CAMK1D: variants seen among roughly 807,000 people sequenced by gnomAD.
The protein encoded by CAMK1D is calcium/calmodulin-dependent protein kinase type 1D.
In CAMK1D, 9 loss-of-function variants were observed where a neutral mutation model predicts 47.7. The observed-to-expected ratio is 0.19, with a 90% confidence interval of 0.11 to 0.33. The LOEUF is 0.33. CAMK1D is among the 10% of genes least tolerant of loss of function. The pLI is 1.00. For synonymous variants in CAMK1D, 184 were observed against 184.9 expected (o/e 0.99, Z 0.04); for missense variants, 291 against 488.7 (o/e 0.60, Z 3.81).
intron 2 of CAMK1D, among the ~76,000 whole-genome samples, chr10:12,659,883 T>C (rs1026923665): frequency 6.6e-6 from 1 of 152,160 alleles, no homozygotes; most frequent in Non-Finnish European, 1.5e-5. Context: ...GACTAGACTG[T>C]AAACCCGGAA....
intron 1 of CAMK1D, among the ~76,000 whole-genome samples, chr10:12,458,959 A>G (rs1410571226): frequency 1.3e-5 from 2 of 149,548 alleles, no homozygotes; most frequent in African/African-American, 5.0e-5. Context: ...GCTTACTGCA[A>G]CCTCTGCCTC....
At chr10:12,471,631 A>G (rs1436183361) in intron 1 of CAMK1D, among the ~76,000 whole-genome samples, 1 of 151,710 alleles carries the variant, frequency 6.6e-6, no homozygotes, top group Middle Eastern at 3.2e-3. Context: ...CTTCACTCCC[A>G]CCCCTCCTGG....
chr10:12,729,931 G>A (rs934292809), intron 3 of CAMK1D, among the ~76,000 whole-genome samples: 1 of 152,112 alleles, frequency 6.6e-6, no homozygotes, highest in Admixed American at 6.5e-5. Flanking sequence ...AGGAGGCCTC[G>A]TCCCATAGAG....
intron 1 of CAMK1D, among the ~76,000 whole-genome samples, chr10:12,427,898 G>A (rs1231117898): frequency 2.0e-5 from 3 of 151,166 alleles, no homozygotes; most frequent in African/African-American, 7.3e-5. Context: ...AGTAGAGACG[G>A]GGTTTCACCA....
intron 5 of CAMK1D, among the ~76,000 whole-genome samples, chr10:12,787,132 AAAGAAGAAGAAGAAG>A (rs61193558): frequency 6.6e-6 from 1 of 150,896 alleles, no homozygotes; most frequent in Non-Finnish European, 1.5e-5. Context: ...CAAAGAAAAA[AAAGAAGAAGAAGAAG>A]AAGAAGAAGA....
At chr10:12,495,982 T>C (rs2895528) in intron 1 of CAMK1D, among the ~76,000 whole-genome samples, 127,813 of 152,022 alleles carry the variant, frequency 0.84, 55,098 homozygotes, top group Non-Finnish European at 0.94. Flanking sequence ...TGTGCGCCAC[T>C]GTGCCCTCTA....
intron 6 of CAMK1D, among the ~76,000 whole-genome samples, chr10:12,801,447 C>T (rs1342048925): frequency 6.6e-6 from 1 of 151,426 alleles, no homozygotes; most frequent in African/African-American, 2.4e-5. Context: ...ATCCATCCAT[C>T]CATTCATCTA....
intron 2 of CAMK1D, among the ~76,000 whole-genome samples, chr10:12,564,119 GTCTC>G (rs765364710): frequency 0.082 from 10,422 of 127,176 alleles, 597 homozygotes; most frequent in African/African-American, 0.16. Context: ...CTGTCTAGAT[GTCTC>G]TCTCTCTCTC....
chr10:12,526,057 C>T (rs958299987), intron 1 of CAMK1D, among the ~76,000 whole-genome samples: 3 of 152,158 alleles, frequency 2.0e-5, no homozygotes, highest in Non-Finnish European at 2.9e-5. Flanking sequence ...CGCACCCGGC[C>T]CTATGTCCTA....
At chr10:12,615,974 ATGTGTGT>A (rs1346646171) in intron 2 of CAMK1D, among the ~76,000 whole-genome samples, 4 of 149,974 alleles carry the variant, frequency 2.7e-5, no homozygotes, top group Non-Finnish European at 4.4e-5. Context: ...GTATGTGTGC[ATGTGTGT>A]TGTGTCTGTA....
At chr10:12,618,280 G>A (rs1050055747) in intron 2 of CAMK1D, among the ~76,000 whole-genome samples, 4 of 152,214 alleles carry the variant, frequency 2.6e-5, no homozygotes, top group African/African-American at 7.2e-5. Flanking sequence ...GCATGTGTGT[G>A]TGAATGTTTG....
chr10:12,549,187 C>T (rs1836499524), intron 1 of CAMK1D, among the ~76,000 whole-genome samples: 1 of 152,192 alleles, frequency 6.6e-6, no homozygotes, highest in Admixed American at 6.5e-5. Context: ...CAAATGGAAA[C>T]TCCGTCCCCA....
chr10:12,527,163 A>T (rs1460303078), intron 1 of CAMK1D, among the ~76,000 whole-genome samples: 1 of 151,966 alleles, frequency 6.6e-6, no homozygotes, highest in East Asian at 1.9e-4. Flanking sequence ...TAACCTCATG[A>T]CTGGGCTGGC....
At chr10:12,805,749 A>C (rs1478210710) in intron 6 of CAMK1D, among the ~76,000 whole-genome samples, 2 of 152,200 alleles carry the variant, frequency 1.3e-5, no homozygotes, top group African/African-American at 4.8e-5. Flanking sequence ...AACTGTTTGG[A>C]GAGGGACCGA....
intron 3 of CAMK1D, among the ~76,000 whole-genome samples, chr10:12,737,387 G>GTC (rs1282075008): frequency 6.6e-6 from 1 of 152,098 alleles, no homozygotes; most frequent in African/African-American, 2.4e-5. Flanking sequence ...AAAGTGCTGT[G>GTC]TCTCTGTCAT....
intron 1 of CAMK1D, among the ~76,000 whole-genome samples, chr10:12,547,276 C>A (rs1479546026): frequency 6.6e-6 from 1 of 152,258 alleles, no homozygotes; most frequent in East Asian, 1.9e-4. Context: ...ACTAGGGGAC[C>A]CCTGGGGGGC....
At chr10:12,657,091 C>T (rs1298327882) in intron 2 of CAMK1D, among the ~76,000 whole-genome samples, 3 of 152,118 alleles carry the variant, frequency 2.0e-5, no homozygotes, top group African/African-American at 4.8e-5. Flanking sequence ...TTTTGGTAAA[C>T]TTGGTGAACT....
chr10:12,804,083 G>A (rs1838607711), intron 6 of CAMK1D, among the ~76,000 whole-genome samples: 1 of 152,140 alleles, frequency 6.6e-6, no homozygotes, highest in Non-Finnish European at 1.5e-5. Context: ...ATTCCAGTCT[G>A]CCTTGAGGGG....
chr10:12,767,864 G>GAGTT (rs377270372), intron 4 of CAMK1D, among the ~76,000 whole-genome samples: 83 of 152,238 alleles, frequency 5.5e-4, no homozygotes, highest in African/African-American at 1.5e-3. Context: ...GGAGGACTTT[G>GAGTT]AGTTAGTTAG....
Sources: allele counts gnomAD v4.1 joint callset (sites outside exome capture counted in the v4.1 genomes callset), GRCh38; gene constraint gnomAD v4.1.1; transcripts MANE v1.5; gene names NCBI Gene and HGNC (gene_info 2026-07-23, HGNC 2026-07-21).